The following PCDH15 variants were observed in gnomAD, a reference collection of about 807,000 sequenced individuals.
The protein encoded by PCDH15 is protocadherin related 15.
PCDH15 carries 129 observed loss-of-function variants against 178.5 expected under a neutral mutation model. That is an observed-to-expected ratio of 0.72 (90% CI 0.63 to 0.84). The LOEUF (loss-of-function observed/expected upper bound fraction) is 0.84, where lower values mean the gene tolerates loss of function less well. PCDH15 is among the 40% of genes least tolerant of loss of function. The pLI, the probability that PCDH15 is intolerant of heterozygous loss-of-function variation, is 0.00. For missense variants in PCDH15, 2,230 were observed against 2,099.9 expected, an observed-to-expected ratio of 1.06 and a Z score of -1.21; for synonymous variants, 800 against 732.0, an observed-to-expected ratio of 1.09 and a Z score of -1.50.
intron 25 of PCDH15, among the ~76,000 whole-genome samples, chr10:53,922,038 AT>A (rs148559778): frequency 0.047 from 7,114 of 151,344 alleles, 510 homozygotes; most frequent in African/African-American, 0.16. Flanking sequence ...CATCATTTTA[AT>A]TTTTTTTTGA....
At chr10:54,160,694 C>T (rs1221261688) in intron 13 of PCDH15, among the ~76,000 whole-genome samples, 1 of 152,116 alleles carries the variant, frequency 6.6e-6, no homozygotes, top group African/African-American at 2.4e-5. Flanking sequence ...ATAGAGAATA[C>T]TTACCAGTCA....
chr10:55,268,198 C>G (rs1352053621), intron 1 of PCDH15, among the ~76,000 whole-genome samples: 1 of 152,114 alleles, frequency 6.6e-6, no homozygotes, highest in Non-Finnish European at 1.5e-5. Flanking sequence ...GAGTTATGTA[C>G]TATATCATTT....
At chr10:55,112,272 C>A (rs1313152033) in intron 2 of PCDH15, among the ~76,000 whole-genome samples, 1 of 152,014 alleles carries the variant, frequency 6.6e-6, no homozygotes, top group Non-Finnish European at 1.5e-5. Flanking sequence ...GCATTAGTAC[C>A]TTTATTAAAA....
At chr10:54,331,237 G>A (rs549217239) in intron 6 of PCDH15, among the ~76,000 whole-genome samples, 48 of 151,506 alleles carry the variant, frequency 3.2e-4, no homozygotes, top group African/African-American at 1.1e-3. Flanking sequence ...AGCCTTCCAT[G>A]TCTAGAGCTG....
At chr10:54,467,223 T>G (rs934600640) in intron 3 of PCDH15, among the ~76,000 whole-genome samples, 1 of 151,958 alleles carries the variant, frequency 6.6e-6, no homozygotes, top group African/African-American at 2.4e-5. Flanking sequence ...TGAGCATCTT[T>G]ATTTTTTTCC....
chr10:54,129,033 T>TTTA (rs1554804002), intron 15 of PCDH15, among the ~76,000 whole-genome samples: 5 of 152,200 alleles, frequency 3.3e-5, no homozygotes, highest in Non-Finnish European at 7.4e-5. Context: ...AGAGCACTGA[T>TTTA]TTATTAATCA....
chr10:53,823,575 A>G, intron 32 of PCDH15: 1 of 665,582 alleles, frequency 1.5e-6, no homozygotes, highest in Non-Finnish European at 2.7e-6. Flanking sequence ...AGAAATGTAA[A>G]TGAAAAAAAA....
intron 27 of PCDH15, among the ~76,000 whole-genome samples, chr10:53,858,574 A>G (rs2078905670): frequency 6.6e-6 from 1 of 152,190 alleles, no homozygotes; most frequent in Non-Finnish European, 1.5e-5. Flanking sequence ...GTTTGCAACT[A>G]GTTAGAAATC....
chr10:55,359,111 T>C (rs888653578), intron 2 of PCDH15, among the ~76,000 whole-genome samples: 8 of 152,080 alleles, frequency 5.3e-5, no homozygotes, highest in East Asian at 1.9e-4. Flanking sequence ...AGTGGGAGGA[T>C]TGCTTATGCC....
intron 3 of PCDH15, among the ~76,000 whole-genome samples, chr10:54,507,399 C>T (rs2081262263): frequency 6.6e-6 from 1 of 151,494 alleles, no homozygotes; most frequent in African/African-American, 2.4e-5. Flanking sequence ...AATGCCTTTA[C>T]ATTTTTTCCT....
At chr10:53,942,538 C>T (rs2086161892) in intron 23 of PCDH15, among the ~76,000 whole-genome samples, 1 of 152,188 alleles carries the variant, frequency 6.6e-6, no homozygotes, top group Non-Finnish European at 1.5e-5. Flanking sequence ...CGCTAGCCAA[C>T]TTTTTGGGTA....
intron 1 of PCDH15, among the ~76,000 whole-genome samples, chr10:55,232,045 A>T (rs988225040): frequency 1.3e-5 from 2 of 152,044 alleles, no homozygotes; most frequent in Non-Finnish European, 2.9e-5. Context: ...AATTTGAAAC[A>T]ATTATATAAT....
intron 1 of PCDH15, among the ~76,000 whole-genome samples, chr10:55,167,157 A>G (rs1449255182): frequency 6.6e-6 from 1 of 152,156 alleles, no homozygotes; most frequent in Non-Finnish European, 1.5e-5. Context: ...CCTGTTGCCC[A>G]GATTGGAGTG....
At chr10:54,853,590 C>T (rs572499332) in intron 3 of PCDH15, among the ~76,000 whole-genome samples, 1 of 150,086 alleles carries the variant, frequency 6.7e-6, no homozygotes. Flanking sequence ...AAATATAAAT[C>T]AAAAATACCT....
At chr10:54,181,139 A>T (rs2047945572) in intron 13 of PCDH15, among the ~76,000 whole-genome samples, 1 of 152,202 alleles carries the variant, frequency 6.6e-6, no homozygotes, top group Non-Finnish European at 1.5e-5. Flanking sequence ...TAATTAAATA[A>T]GAACATGACA....
chr10:54,157,296 A>T (rs1393191981), intron 13 of PCDH15, among the ~76,000 whole-genome samples: 1 of 152,188 alleles, frequency 6.6e-6, no homozygotes, highest in Non-Finnish European at 1.5e-5. Context: ...GTGTTTCCAT[A>T]CATCCTCTGA....
At chr10:54,434,428 T>C (rs7082430) in intron 3 of PCDH15, among the ~76,000 whole-genome samples, 4,967 of 152,278 alleles carry the variant, frequency 0.033, 277 homozygotes, top group African/African-American at 0.11. Flanking sequence ...CACTGCTTAC[T>C]ATTTATACAG....
chr10:53,969,059 C>T (rs1009352349), intron 21 of PCDH15, among the ~76,000 whole-genome samples: 5 of 152,012 alleles, frequency 3.3e-5, no homozygotes, highest in Admixed American at 1.3e-4. Flanking sequence ...CAAACTTCTC[C>T]GAGCTAAAGG....
chr10:53,964,221 T>C (rs12258037), intron 21 of PCDH15, among the ~76,000 whole-genome samples: 2,186 of 152,158 alleles, frequency 0.014, 50 homozygotes, highest in African/African-American at 0.047. Flanking sequence ...AATTATAGCA[T>C]ATATTTTATG....
Sources: allele counts gnomAD v4.1 joint callset (sites outside exome capture counted in the v4.1 genomes callset), GRCh38; gene constraint gnomAD v4.1.1; transcripts MANE v1.5; gene names NCBI Gene and HGNC (gene_info 2026-07-23, HGNC 2026-07-21).